Variants in ZNF385D observed in about 807,000 individuals in gnomAD.
ZNF385D encodes zinc finger protein 385D.
ZNF385D carries 15 observed loss-of-function variants against 35.8 expected under a neutral mutation model. That is an observed-to-expected ratio of 0.42 (90% CI 0.28 to 0.64). ZNF385D has a LOEUF of 0.64. Ranked by LOEUF, ZNF385D falls within the 30% of genes least tolerant of loss-of-function variation. The probability of loss-of-function intolerance (pLI) is 0.23; values close to 1 mark genes in which losing one functional copy is unlikely to be tolerated. For synonymous variants in ZNF385D, 212 were observed against 186.8 expected, an observed-to-expected ratio of 1.13 and a Z score of -1.10; for missense variants, 474 against 494.6, an observed-to-expected ratio of 0.96 and a Z score of 0.39.
chr3:21,471,293 T>TCA (rs1488202080), intron 4 of ZNF385D, among the ~76,000 whole-genome samples: 8 of 30,026 alleles, frequency 2.7e-4, no homozygotes, highest in African/African-American at 4.1e-4. Context: ...TCTCTCTCTC[T>TCA]CTCACACACA....
chr3:21,942,056 T>C (rs1388257825), intron 3 of ZNF385D, among the ~76,000 whole-genome samples: 1 of 152,136 alleles, frequency 6.6e-6, no homozygotes, highest in Non-Finnish European at 1.5e-5. Context: ...CACATGTGTA[T>C]TGTCAAATGT....
chr3:22,180,152 T>C (rs1001627760), intron 2 of ZNF385D, among the ~76,000 whole-genome samples: 1 of 152,132 alleles, frequency 6.6e-6, no homozygotes, highest in African/African-American at 2.4e-5. Context: ...GAGAATACTA[T>C]AAACACCTCT....
chr3:21,937,887 A>G (rs1701336103), intron 3 of ZNF385D, among the ~76,000 whole-genome samples: 1 of 152,310 alleles, frequency 6.6e-6, no homozygotes, highest in Middle Eastern at 3.4e-3. Flanking sequence ...GTATTTTCCA[A>G]TCATTAATGT....
intron 1 of ZNF385D, among the ~76,000 whole-genome samples, chr3:21,668,695 T>C (rs2066476546): frequency 6.6e-6 from 1 of 152,232 alleles, no homozygotes; most frequent in South Asian, 2.1e-4. Flanking sequence ...TAAAATATTT[T>C]ACTTGTACCA....
intron 1 of ZNF385D, among the ~76,000 whole-genome samples, chr3:21,705,929 G>A (rs908335753): frequency 2.0e-5 from 3 of 152,140 alleles, no homozygotes; most frequent in Non-Finnish European, 4.4e-5. Context: ...CCTCAGCCTG[G>A]GACATGTGCC....
chr3:21,689,970 G>A lies in ZNF385D; in HGVS notation c.23-24942C>T, dbSNP rs180696123. Among the ~76,000 whole-genome samples the A allele has an allele frequency of 4.6e-5, 7 of 151,562 alleles. No homozygotes were observed. The East Asian group carries it at 1.2e-3, about 25-fold the overall frequency. The stretch of plus-strand genomic sequence containing the variant: ...AATGAGACTTTACAACTCTTAATGA[G>A]TGCAAGTGAAACACTAATATTTTTG... On this transcript the variant is annotated intron_variant, in intron 1 of 7. Transcript: ENST00000281523.
intron 3 of ZNF385D, among the ~76,000 whole-genome samples, chr3:21,895,545 T>C (rs1201877159): frequency 6.7e-6 from 1 of 150,066 alleles, no homozygotes; most frequent in Admixed American, 6.6e-5. Flanking sequence ...TTCACCATGT[T>C]GGCCAGGCTG....
At chr3:22,347,105 C>A (rs917701284) in intron 2 of ZNF385D, among the ~76,000 whole-genome samples, 2 of 152,124 alleles carry the variant, frequency 1.3e-5, no homozygotes, top group Admixed American at 1.3e-4. Context: ...GAGAGAGACA[C>A]ATATTTTGCA....
intron 3 of ZNF385D, among the ~76,000 whole-genome samples, chr3:22,135,325 T>A (rs1213622518): frequency 7.3e-6 from 1 of 136,488 alleles, no homozygotes; most frequent in Non-Finnish European, 1.5e-5. Flanking sequence ...TACCCCAACA[T>A]ACACACATAC....
At position 22,267,556 on chromosome 3, in the gene ZNF385D, G is replaced by C. The variant is rs557361560; in HGVS notation, c.107-98521C>G. Among the ~76,000 whole-genome samples the C allele has an allele frequency of 9.2e-5, 14 of 151,910 alleles. No individual in the cohort carries two copies. In the South Asian group the frequency reaches 1.4e-3, roughly 16 times the overall value. ...TCAATAGTCAAATCAATATTTCTCA[G>C]TAAGAAATAATAACTCACAACCCCA... is the stretch of plus-strand genomic sequence containing the variant. On this transcript the variant is annotated intron_variant, in intron 2 of 5. Coordinates refer to the ZNF385D transcript ENST00000494108.
chr3:21,931,250 T>G (rs1030900958), intron 3 of ZNF385D, among the ~76,000 whole-genome samples: 1 of 152,134 alleles, frequency 6.6e-6, no homozygotes, highest in Non-Finnish European at 1.5e-5. Flanking sequence ...ATATATAATT[T>G]TTTTACCCAC....
chr3:21,821,086 C>T (rs1033039176), intron 3 of ZNF385D, among the ~76,000 whole-genome samples: 4 of 151,928 alleles, frequency 2.6e-5, no homozygotes, highest in Non-Finnish European at 4.4e-5. Context: ...TTTTACCAAA[C>T]TTCAAGAAAT....
intron 1 of ZNF385D, among the ~76,000 whole-genome samples, chr3:21,706,842 AG>A (rs1301875793): frequency 6.7e-6 from 1 of 149,134 alleles, no homozygotes; most frequent in African/African-American, 2.4e-5. Flanking sequence ...ATAGATAGAT[AG>A]ATAGATAGAT....
intron 3 of ZNF385D, among the ~76,000 whole-genome samples, chr3:22,136,363 G>A (rs1185653363): frequency 1.3e-5 from 2 of 149,932 alleles, no homozygotes; most frequent in Non-Finnish European, 3.0e-5. Context: ...ATTTCCGCCT[G>A]GGCGACAAAG....
intron 4 of ZNF385D, among the ~76,000 whole-genome samples, chr3:21,504,406 A>G (rs1706618568): frequency 6.6e-6 from 1 of 152,178 alleles, no homozygotes; most frequent in South Asian, 2.1e-4. Flanking sequence ...ACCTATACAC[A>G]AATACAAAAG....
At chr3:21,981,874 G>C (rs1694473189) in intron 3 of ZNF385D, among the ~76,000 whole-genome samples, 1 of 152,056 alleles carries the variant, frequency 6.6e-6, no homozygotes, top group Non-Finnish European at 1.5e-5. Context: ...GATGTTCATA[G>C]ATATGTGGCC....
At chr3:22,252,643 G>A (rs946794596) in intron 2 of ZNF385D, among the ~76,000 whole-genome samples, 1 of 152,054 alleles carries the variant, frequency 6.6e-6, no homozygotes, top group Non-Finnish European at 1.5e-5. Flanking sequence ...ACCTGAGGAA[G>A]GCTGCATCGA....
At chr3:21,715,462 G>C (rs572108902) in intron 1 of ZNF385D, among the ~76,000 whole-genome samples, 1 of 152,064 alleles carries the variant, frequency 6.6e-6, no homozygotes, top group Non-Finnish European at 1.5e-5. Context: ...GTATTCCATT[G>C]TATAGGTATA....
At chr3:21,744,546 C>T (rs2069672234) in intron 1 of ZNF385D, among the ~76,000 whole-genome samples, 1 of 152,174 alleles carries the variant, frequency 6.6e-6, no homozygotes, top group African/African-American at 2.4e-5. Context: ...TATGCCCATC[C>T]CAGCCTGCTG....
Sources: gnomAD v4.1 joint callset for allele counts (sites outside exome capture counted in the v4.1 genomes callset) on GRCh38, gnomAD v4.1.1 for gene constraint, MANE v1.5 for transcripts, NCBI Gene and HGNC (gene_info 2026-07-23, HGNC 2026-07-21) for gene names.